STK3: variants seen among roughly 807,000 people sequenced by gnomAD.
STK3 encodes serine/threonine kinase 3, also known as serine/threonine-protein kinase 3.
STK3 carries 41 observed loss-of-function variants against 58.0 expected under a neutral mutation model. That is an observed-to-expected ratio of 0.71 (90% CI 0.55 to 0.92). The LOEUF (loss-of-function observed/expected upper bound fraction) is 0.92. Among genes scored for constraint, STK3 ranks in the 40% least tolerant of loss-of-function variants. STK3 has a pLI of 0.00. For missense variants in STK3, 479 were observed against 602.7 expected (o/e 0.79, Z 2.15); for synonymous variants, 170 against 191.0 (o/e 0.89, Z 0.91).
downstream of STK3, among the ~76,000 whole-genome samples, chr8:98,369,277 C>T (rs1817590117): frequency 6.6e-6 from 1 of 152,202 alleles, no homozygotes; most frequent in African/African-American, 2.4e-5. Flanking sequence ...ACCCTAATTA[C>T]ATAGATGCCT....
At chr8:98,632,836 T>G (rs1188896888) in intron 6 of STK3, among the ~76,000 whole-genome samples, 1 of 152,204 alleles carries the variant, frequency 6.6e-6, no homozygotes, top group Non-Finnish European at 1.5e-5. Flanking sequence ...AGCTGTTCAC[T>G]GATAAGAGAG....
At chr8:98,896,241 A>G (rs1299709788) in intron 1 of STK3, among the ~76,000 whole-genome samples, 1 of 152,214 alleles carries the variant, frequency 6.6e-6, no homozygotes, top group Non-Finnish European at 1.5e-5. Context: ...ATCTTCCTAA[A>G]GCATCAAATT....
At chr8:98,449,313 T>C (rs1310635677) in intron 1 of STK3, among the ~76,000 whole-genome samples, 1 of 152,204 alleles carries the variant, frequency 6.6e-6, no homozygotes, top group East Asian at 1.9e-4. Flanking sequence ...GATCAGATGT[T>C]TTTTAGTGGA....
At chr8:98,595,864 G>A (rs750328597) in intron 7 of STK3, 168 bp downstream of exon 7, 71 of 623,832 alleles carry the variant, frequency 1.1e-4, no homozygotes, top group Non-Finnish European at 1.7e-4. Context: ...GACTCTGGGG[G>A]AAATGAGGGG....
At chr8:98,906,148 C>T (rs1431087411) in intron 1 of STK3, 1 of 153,224 alleles carries the variant, frequency 6.5e-6, no homozygotes, top group African/African-American at 2.4e-5. Flanking sequence ...AATAAGATCC[C>T]TGTCCAAAGG....
chr8:98,402,717 G>T (rs1272870531), intron 3 of STK3, among the ~76,000 whole-genome samples: 1 of 152,306 alleles, frequency 6.6e-6, no homozygotes, highest in African/African-American at 2.4e-5. Flanking sequence ...AGGAGGACAT[G>T]CCTTGGGAAC....
chr8:98,770,128 C>A (rs540374395), intron 2 of STK3, among the ~76,000 whole-genome samples: 2 of 151,958 alleles, frequency 1.3e-5, no homozygotes, highest in Non-Finnish European at 2.9e-5. Context: ...CCCTTGATAC[C>A]AAAAGCAACT....
chr8:98,410,938 C>A (rs764730089), intron 3 of STK3, among the ~76,000 whole-genome samples: 4 of 152,218 alleles, frequency 2.6e-5, no homozygotes, highest in Admixed American at 1.3e-4. Flanking sequence ...TAATTTCTAG[C>A]AGTGTATTCT....
chr8:98,595,914 G>A, intron 7 of STK3, 118 bp downstream of exon 7: 1 of 1,135,404 alleles, frequency 8.8e-7, no homozygotes, highest in African/African-American at 1.5e-5. Context: ...CAAACAGGAG[G>A]GGAGGGGAGG....
chr8:98,726,650 A>G (rs1421657686), intron 4 of STK3, among the ~76,000 whole-genome samples: 1 of 152,230 alleles, frequency 6.6e-6, no homozygotes, highest in African/African-American at 2.4e-5. Context: ...GTACCCACTC[A>G]GAGTCAGAAA....
intron 1 of STK3, among the ~76,000 whole-genome samples, chr8:98,442,496 C>T (rs1392384313): frequency 6.6e-6 from 1 of 152,246 alleles, no homozygotes; most frequent in Non-Finnish European, 1.5e-5. Context: ...TTCAGGCCCT[C>T]ACCTTTTACA....
At chr8:98,860,005 A>G (rs1447129560) in intron 3 of STK3, among the ~76,000 whole-genome samples, 3 of 152,204 alleles carry the variant, frequency 2.0e-5, no homozygotes, top group African/African-American at 7.2e-5. Flanking sequence ...GTGGGTGTTC[A>G]GAGGAAAGCG....
At chr8:98,355,744 T>C in the STK3 span, among the ~76,000 whole-genome samples, 1 of 152,194 alleles carries the variant, frequency 6.6e-6, no homozygotes, top group African/African-American at 2.4e-5. Flanking sequence ...CCACCAGATA[T>C]TGTAGGTAGA....
chr8:98,580,999 C>T (rs564114809), intron 7 of STK3, among the ~76,000 whole-genome samples: 117 of 152,276 alleles, frequency 7.7e-4, no homozygotes, highest in Admixed American at 5.2e-4. Context: ...TCTTACCAAA[C>T]AAATTAAGTC....
intron 6 of STK3, among the ~76,000 whole-genome samples, chr8:98,696,147 A>G (rs1168314008): frequency 6.6e-6 from 1 of 152,098 alleles, no homozygotes; most frequent in East Asian, 1.9e-4. Flanking sequence ...GAGTTCACTC[A>G]TGATTTGGCT....
At chr8:98,487,241 T>G (rs1263641164) in intron 10 of STK3, among the ~76,000 whole-genome samples, 1 of 152,182 alleles carries the variant, frequency 6.6e-6, no homozygotes, top group Non-Finnish European at 1.5e-5. Flanking sequence ...TGCCACACAG[T>G]ATAAAGGAAG....
rs149102872 is a variant in STK3, at chr8:98,625,550, C to G, written c.685-29381G>C. Among the ~76,000 whole-genome samples, 139 of 152,102 alleles carry G rather than the reference C, an allele frequency of 9.1e-4. No homozygotes were observed. In the Middle Eastern group the frequency reaches 0.01, roughly 11 times the overall value. ...CCCTCCCTCCCACCTATTAAAACTTCCACTGAGTCTATCTCAGTTTAACAA... is the reference window on the plus strand; with the variant it reads ...CCCTCCCTCCCACCTATTAAAACTTGCACTGAGTCTATCTCAGTTTAACAA... On this transcript the variant is annotated intron_variant, in intron 6 of 10. Transcript: ENST00000419617.
chr8:98,409,426 C>T (rs1818031666), intron 3 of STK3, among the ~76,000 whole-genome samples: 1 of 152,234 alleles, frequency 6.6e-6, no homozygotes, highest in African/African-American at 2.4e-5. Flanking sequence ...TCCCTGCATC[C>T]TTCAGTCTCT....
chr8:98,708,138 C>CA lies in STK3; in HGVS notation c.352-828dup, dbSNP rs200363376. ...TGGGCGACACAGCGAGACTCCATCT[C>CA]AAAAAAAAAAAAAAATTATCAGTAT... On this transcript the variant is annotated intron_variant, in intron 4 of 10. Coordinates refer to ENST00000419617, the MANE Select transcript of STK3 (RefSeq NM_006281.4). Among the ~76,000 whole-genome samples the CA allele has an allele frequency of 2.3e-3, 271 of 117,664 alleles. 2 individuals carry two copies. The highest frequency in any genetic ancestry group is 2.9e-3 in the Admixed American group (33 of 11,318). 77.2% of individuals were successfully genotyped at this position (117,664 alleles called of 152,430 possible).
Sources: gnomAD v4.1 joint callset for allele counts (sites outside exome capture counted in the v4.1 genomes callset) on GRCh38, gnomAD v4.1.1 for gene constraint, MANE v1.5 for transcripts, NCBI Gene and HGNC (gene_info 2026-07-23, HGNC 2026-07-21) for gene names.